Variants in PIK3R3 observed in about 807,000 individuals in gnomAD.
The protein encoded by PIK3R3 is phosphatidylinositol 3-kinase regulatory subunit gamma.
PIK3R3 carries 64 observed loss-of-function variants against 62.9 expected under a neutral mutation model. The ratio of observed to expected loss-of-function variants is 1.02; its 90% CI spans 0.83 to 1.25. The LOEUF (loss-of-function observed/expected upper bound fraction) is 1.25, where lower values mean the gene tolerates loss of function less well. Ranked by LOEUF, PIK3R3 falls within the 50% of genes most tolerant of loss-of-function variation. The probability of loss-of-function intolerance (pLI) is 0.00; values close to 1 mark genes in which losing one functional copy is unlikely to be tolerated. For synonymous variants in PIK3R3, 165 were observed against 189.0 expected, an observed-to-expected ratio of 0.87 and a Z score of 1.04; for missense variants, 614 against 561.6, an observed-to-expected ratio of 1.09 and a Z score of -0.94.
At chr1:46,055,758 T>C in intron 7 of PIK3R3, 37 bp downstream of exon 7, 3 of 1,414,066 alleles carry the variant, frequency 2.1e-6, no homozygotes, top group Non-Finnish European at 2.9e-6. Context: ...AACCTGGCAC[T>C]AACGTCTCCC....
In PIK3R3 at chr1:46,040,642, A is replaced by G. The variant is rs911119991; in HGVS notation, c.*3031T>C. The G allele has an allele frequency of 4.6e-6, 1 of 217,690 alleles. No individual in the cohort carries two copies. Among genetic ancestry groups the G allele is most frequent in the Non-Finnish European group, 9.2e-6 (1 of 108,244 alleles). 13.5% of individuals were successfully genotyped at this position (217,690 alleles called of 1,614,324 possible). On this transcript the variant is annotated 3_prime_UTR_variant, in exon 10 of 10. Coordinates refer to ENST00000262741, the MANE Select transcript of PIK3R3 (RefSeq NM_003629.4). ...TCTGGGTTGTTAAATAGCAGCAGAG[A>G]CCACCTTAGAAAACAGGAATTGCCC...
intron 1 of PIK3R3, among the ~76,000 whole-genome samples, chr1:46,127,356 AAT>A (rs1553157057): frequency 2.2e-4 from 29 of 133,988 alleles, no homozygotes; most frequent in African/African-American, 4.4e-4. Context: ...AAAAAAAAAA[AAT>A]ATATATATAT....
At chr1:46,073,787 T>A (rs1269956857) in intron 3 of PIK3R3, among the ~76,000 whole-genome samples, 1 of 15,982 alleles carries the variant, frequency 6.3e-5, no homozygotes, top group Non-Finnish European at 1.9e-4. Context: ...ATTCAGTTAA[T>A]TTTTTTTTTT....
chr1:46,055,886 G>A lies in PIK3R3; in HGVS notation c.850C>T (p.Gln284Ter). 1 of 1,610,776 alleles carries A rather than the reference G, an allele frequency of 6.2e-7. No individual in the cohort carries two copies. Among genetic ancestry groups the A allele is most frequent in the Non-Finnish European group, 8.5e-7 (1 of 1,178,060 alleles). The part of the protein sequence containing the change: ...KMRLEQDLKN[Q>*]ALDNREIDKK... ...TCTATTTCTCGGTTGTCCAAAGCTT[G>A]ATTCTTCAAATCCTGCTCTAGACGC... Residue 284 changes from glutamine (Q) to a stop codon, truncating the protein, a stop_gained, in exon 7 of 10, where the codon CAA (glutamine) becomes TAA (stop). Coordinates refer to ENST00000262741, the MANE Select transcript of PIK3R3 (RefSeq NM_003629.4). LOFTEE classifies it high-confidence loss of function.
At chr1:46,078,984 G>A (rs1481009516) in intron 2 of PIK3R3, among the ~76,000 whole-genome samples, 1 of 152,108 alleles carries the variant, frequency 6.6e-6, no homozygotes, top group Non-Finnish European at 1.5e-5. Context: ...AGAATGGGGG[G>A]TTATTGTTTA....
At chr1:46,046,121 A>C in intron 8 of PIK3R3, 33 bp from the exon 9 acceptor site, 3 of 1,297,858 alleles carry the variant, frequency 2.3e-6, no homozygotes, top group Admixed American at 4.1e-5. Context: ...TTATTCTAAC[A>C]AGTTACTTCT....
chr1:46,173,379 C>T, the PIK3R3 span, among the ~76,000 whole-genome samples: 2 of 152,226 alleles, frequency 1.3e-5, no homozygotes. Context: ...CTCCCACTGC[C>T]TTGCTCACTG....
At chr1:46,050,121 C>CA (rs1265958044) in intron 7 of PIK3R3, among the ~76,000 whole-genome samples, 2,428 of 78,756 alleles carry the variant, frequency 0.031, 69 homozygotes, top group African/African-American at 0.078. Context: ...AACTCTGTCT[C>CA]AAAAAAAAAA....
At chr1:46,066,879 T>A (rs1397144453) in intron 4 of PIK3R3, 32 bp downstream of exon 4, 1 of 1,536,364 alleles carries the variant, frequency 6.5e-7, no homozygotes, top group Non-Finnish European at 9.0e-7. Context: ...AATCACTTGC[T>A]CAATAGCTAG....
At position 46,052,667 on chromosome 1, in the gene PIK3R3, CATAG is replaced by C. The variant is rs577916401; in HGVS notation, c.941+3124_941+3127del. ...TAATCACTATTTTTAATTCTATCATCATAGATAGGTTTTACCTATTCTTGAGCTT... is the reference window on the plus strand; with the variant it reads ...TAATCACTATTTTTAATTCTATCATCATAGGTTTTACCTATTCTTGAGCTT... On this transcript the variant is annotated intron_variant, in intron 7 of 9. Coordinates refer to ENST00000262741, the MANE Select transcript of PIK3R3 (RefSeq NM_003629.4). Among the ~76,000 whole-genome samples, 60 of 152,262 alleles carry C rather than the reference CATAG, an allele frequency of 3.9e-4. 1 individual carries two copies. The highest frequency in any genetic ancestry group is 1.4e-3 in the African/African-American group (58 of 41,552).
intron 1 of PIK3R3, among the ~76,000 whole-genome samples, chr1:46,097,240 CAT>C (rs1489921171): frequency 1.3e-5 from 2 of 152,202 alleles, no homozygotes; most frequent in African/African-American, 4.8e-5. Flanking sequence ...GCAGAAAAAT[CAT>C]GTGACAAAAT....
At position 46,114,771 on chromosome 1, in the gene PIK3R3, ATTTTTTT is replaced by A. The variant is rs60059325; in HGVS notation, c.106+17069_106+17075del. Among the ~76,000 whole-genome samples the A allele has an allele frequency of 3.2e-3, 318 of 99,316 alleles. 2 individuals are homozygous for A. The highest frequency in any genetic ancestry group is 0.012 in the African/African-American group (291 of 24,310). The allele number at this position is 99,316 out of a possible 152,430, so 65.2% of individuals were successfully genotyped here. On this transcript the variant is annotated intron_variant, in intron 1 of 9. Transcript: ENST00000262741. Reference sequence around the variant, plus strand: ...AGGCATACACCACCAAGCCTCACTAATTTTTTTTTTTTTTTTTTTTTTTGGTAGAGAC... The same window carrying A: ...AGGCATACACCACCAAGCCTCACTAATTTTTTTTTTTTTTTTGGTAGAGAC...
At position 46,040,538 on chromosome 1, in the gene PIK3R3, T is replaced by C. The variant is rs901602554; in HGVS notation, c.*3135A>G. On this transcript the variant is annotated 3_prime_UTR_variant, in exon 10 of 10. Coordinates refer to ENST00000262741, the MANE Select transcript of PIK3R3 (RefSeq NM_003629.4). ...CTGGAGCTAAAGCAGGTTTGAGCAG[T>C]TGGCAGCAGAGGGCCCAAGCAGGCC... 1 of 227,838 alleles carries C rather than the reference T, an allele frequency of 4.4e-6. No individual in the cohort carries two copies. Among genetic ancestry groups the C allele is most frequent in the African/African-American group, 2.2e-5 (1 of 45,022 alleles). The allele number at this position is 227,838 out of a possible 1,614,324, so 14.1% of individuals were successfully genotyped here.
At chr1:46,066,238 A>C (rs1648977565) in intron 4 of PIK3R3, 59 bp from the exon 5 acceptor site, 2 of 1,173,408 alleles carry the variant, frequency 1.7e-6, no homozygotes, top group East Asian at 4.7e-5. Context: ...GTGGAAATAG[A>C]TTTTCCACAT....
rs1276696694 is a variant in PIK3R3, at chr1:46,041,690, T to TA, written c.*1982dup. 2 of 192,340 alleles carry TA rather than the reference T, an allele frequency of 1.0e-5. No individual in the cohort carries two copies. The highest frequency in any genetic ancestry group is 1.6e-4 in the East Asian group (2 of 12,206). The allele number at this position is 192,340 out of a possible 1,614,324, so 11.9% of individuals were successfully genotyped here. A position where few individuals can be genotyped will look rare whatever the true frequency, so the allele number is the denominator to read the frequency against. On this transcript the variant is annotated 3_prime_UTR_variant, in exon 10 of 10. Transcript: ENST00000262741. ...TGCCCAACAGCAATTAGCTTGGTAT[T>TA]ATTCAGTAAAACTTTCAGTTAAGAT...
chr1:46,071,568 C>T (rs1649485456), intron 3 of PIK3R3, among the ~76,000 whole-genome samples: 1 of 150,454 alleles, frequency 6.6e-6, no homozygotes, highest in Admixed American at 6.6e-5. Flanking sequence ...TGGTGGCACA[C>T]GACTGTAATC....
intron 6 of PIK3R3, among the ~76,000 whole-genome samples, chr1:46,061,432 T>C (rs1648469824): frequency 6.6e-6 from 1 of 152,246 alleles, no homozygotes; most frequent in Non-Finnish European, 1.5e-5. Flanking sequence ...CTTGTTCTAC[T>C]ACAATTTATT....
At position 46,077,488 on chromosome 1, in the gene PIK3R3, C is replaced by G. The variant is rs377543423; in HGVS notation, c.314+27G>C. ...GAACTAAAATAACATCAGTAGAGAA[C>G]TAGCCAAAAGACTGAAAAGTACTTA... On this transcript the variant is annotated intron_variant, in intron 3 of 9. Transcript: ENST00000262741. 7.3e-4 allele frequency: 903 copies of G among 1,237,826 alleles called. 15 individuals carry two copies. The South Asian group carries it at 0.01, about 14-fold the overall frequency. The allele number at this position is 1,237,826 out of a possible 1,614,324, so 76.7% of individuals were successfully genotyped here.
Position 46,131,946 on chromosome 1 carries a change from T to C in PIK3R3, c.7A>G (p.Asn3Asp), listed in dbSNP as rs765198185. The change falls in exon 1 of 10, where the codon AAT becomes GAT. Residue 3 changes from asparagine to aspartate, a missense_variant. Asn to Asp is a conservative substitution (Grantham distance 23, BLOSUM62 1). Transcript: ENST00000262741. The part of the protein sequence containing the change: MY[N>D]TVWSMDRDDA... ...TCGCGGTCCATACTCCACACCGTATTGTACATCGCGCTGTCAGGGGCAGGT... is the reference window on the plus strand; with the variant it reads ...TCGCGGTCCATACTCCACACCGTATCGTACATCGCGCTGTCAGGGGCAGGT... 11 of 1,613,936 alleles carry C rather than the reference T, an allele frequency of 6.8e-6. No individual in the cohort carries two copies. Among genetic ancestry groups the C allele is most frequent in the Non-Finnish European group, 9.3e-6 (11 of 1,179,972 alleles).
Sources: gnomAD v4.1 joint callset for allele counts (sites outside exome capture counted in the v4.1 genomes callset) on GRCh38, gnomAD v4.1.1 for gene constraint, MANE v1.5 for transcripts, NCBI Gene and HGNC (gene_info 2026-07-23, HGNC 2026-07-21) for gene names.